The following EYS variants were observed in gnomAD, a reference collection of about 807,000 sequenced individuals.
EYS encodes EGF-like photoreceptor maintenance factor.
EYS carries 250 observed loss-of-function variants against 282.1 expected under a neutral mutation model. The ratio of observed to expected loss-of-function variants is 0.89; its 90% CI spans 0.80 to 0.98. The LOEUF (loss-of-function observed/expected upper bound fraction) is 0.98, where lower values mean the gene tolerates loss of function less well. EYS is among the 50% of genes least tolerant of loss of function. The probability of loss-of-function intolerance (pLI) is 0.00; values close to 1 mark genes in which losing one functional copy is unlikely to be tolerated. For synonymous variants in EYS, 1,355 were observed against 1,282.9 expected (o/e 1.06, Z -1.20); for missense variants, 4,016 against 3,709.0 (o/e 1.08, Z -2.15).
intron 22 of EYS, among the ~76,000 whole-genome samples, chr6:64,798,615 T>G (rs561401515): frequency 8.2e-4 from 122 of 148,954 alleles, no homozygotes; most frequent in African/African-American, 2.8e-3. Context: ...TGGTTTTTTT[T>G]TTTTTTTTTT....
At chr6:64,393,760 T>G (rs1451537850) in intron 28 of EYS, among the ~76,000 whole-genome samples, 1 of 151,576 alleles carries the variant, frequency 6.6e-6, no homozygotes, top group Non-Finnish European at 1.5e-5. Context: ...CTATTCAACA[T>G]AGTGTTGGAA....
intron 11 of EYS, among the ~76,000 whole-genome samples, chr6:65,334,665 T>C (rs902095065): frequency 2.0e-5 from 3 of 151,872 alleles, no homozygotes; most frequent in African/African-American, 7.2e-5. Flanking sequence ...GCTTTGGAGC[T>C]AATCGTACAC....
At chr6:65,187,460 T>G (rs558240250) in intron 12 of EYS, among the ~76,000 whole-genome samples, 1 of 151,880 alleles carries the variant, frequency 6.6e-6, no homozygotes, top group South Asian at 2.1e-4. Flanking sequence ...TTTATAGACA[T>G]AGAATGGGAA....
intron 19 of EYS, among the ~76,000 whole-genome samples, chr6:64,866,635 A>G (rs1583238612): frequency 2.3e-5 from 3 of 129,660 alleles, no homozygotes; most frequent in South Asian, 5.3e-4. Flanking sequence ...CATTCCTGCT[A>G]TTAGAGTTCT....
At chr6:64,347,843 C>T (rs1771467629) in intron 29 of EYS, among the ~76,000 whole-genome samples, 2 of 151,270 alleles carry the variant, frequency 1.3e-5, no homozygotes, top group Non-Finnish European at 3.0e-5. Context: ...TATAGCACTT[C>T]TCCTTCACTC....
intron 22 of EYS, among the ~76,000 whole-genome samples, chr6:64,721,151 A>T (rs2149943258): frequency 6.6e-6 from 1 of 152,306 alleles, no homozygotes; most frequent in Middle Eastern, 3.4e-3. Context: ...AACAAAGGCT[A>T]ACACAAATAT....
chr6:65,365,046 A>T (rs1385725582), intron 8 of EYS, among the ~76,000 whole-genome samples: 3 of 151,662 alleles, frequency 2.0e-5, no homozygotes, highest in African/African-American at 7.2e-5. Context: ...TGCTTAAAAA[A>T]GTCATCCTAA....
intron 13 of EYS, among the ~76,000 whole-genome samples, chr6:65,006,097 C>T (rs1047820193): frequency 1.3e-5 from 2 of 151,994 alleles, no homozygotes; most frequent in African/African-American, 2.4e-5. Context: ...CCCTGTTATC[C>T]CTCCTGATTT....
Position 65,296,074 on chromosome 6 carries a change from A to T in EYS, c.1812T>A (p.Asn604Lys). 2.6e-6 allele frequency: 4 copies of T among 1,550,622 alleles called. No individual in the cohort carries two copies. The highest frequency in any genetic ancestry group is 3.5e-6 in the Non-Finnish European group (4 of 1,146,310). ...TGTGGTTCCCTAAGCAATAGTCAAC[A>T]TTGACAACACACAATCTGCCAATGT... is the stretch of plus-strand genomic sequence containing the variant. ...LSYIGRLCVV[N>K]VDYCLGNHSI... is the part of the protein sequence containing the mutation. Residue 604 changes from asparagine (N) to lysine (K), a missense_variant, in exon 12 of 43, where the codon AAT becomes AAA. Coordinates refer to ENST00000503581, the MANE Select transcript of EYS (RefSeq NM_001142800.2).
chr6:65,215,379 T>G (rs1766286645), intron 12 of EYS, among the ~76,000 whole-genome samples: 1 of 152,080 alleles, frequency 6.6e-6, no homozygotes, highest in South Asian at 2.1e-4. Context: ...ACGGTAGAAA[T>G]AACAAGAGAA....
At chr6:64,462,296 G>A (rs561470562) in intron 26 of EYS, among the ~76,000 whole-genome samples, 23 of 152,210 alleles carry the variant, frequency 1.5e-4, no homozygotes, top group Non-Finnish European at 2.5e-4. Flanking sequence ...CAATCAAAAC[G>A]AGAGATATAA....
chr6:63,875,797 T>G (rs1246705655), intron 35 of EYS, among the ~76,000 whole-genome samples: 4 of 152,234 alleles, frequency 2.6e-5, no homozygotes, highest in Non-Finnish European at 5.9e-5. Context: ...AGTGTGTATT[T>G]CCATGGGATC....
chr6:65,636,076 G>A (rs1161750050), intron 2 of EYS, among the ~76,000 whole-genome samples: 1 of 152,158 alleles, frequency 6.6e-6, no homozygotes. Flanking sequence ...TATTTATGCA[G>A]CGGGCAGGAA....
chr6:65,123,150 T>G (rs1775614179), intron 12 of EYS, among the ~76,000 whole-genome samples: 1 of 152,128 alleles, frequency 6.6e-6, no homozygotes, highest in Non-Finnish European at 1.5e-5. Context: ...ACATCCTTTC[T>G]TCGACTGGGG....
rs1053931034 is a variant in EYS, at chr6:64,911,654, T to C, written c.2641+830A>G. 2.6e-5 allele frequency among the ~76,000 whole-genome samples: 4 copies of C among 152,144 alleles called. No homozygotes were observed. In the South Asian group the frequency reaches 8.3e-4, roughly 32 times the overall value. Reference sequence around the variant, plus strand: ...AGTATTAGAAAATAAATTGCAGTTTTGGGCCTCCAAACACAATGTGTTTTT... The same window carrying C: ...AGTATTAGAAAATAAATTGCAGTTTCGGGCCTCCAAACACAATGTGTTTTT... On this transcript the variant is annotated intron_variant, in intron 16 of 42. Transcript: ENST00000503581.
intron 2 of EYS, among the ~76,000 whole-genome samples, chr6:65,507,057 G>A (rs1202362400): frequency 6.6e-6 from 1 of 152,056 alleles, no homozygotes; most frequent in East Asian, 1.9e-4. Context: ...GTAGATCTGA[G>A]TTTCTGACCT....
chr6:65,547,110 T>C (rs1375939073), intron 2 of EYS, among the ~76,000 whole-genome samples: 1 of 151,770 alleles, frequency 6.6e-6, no homozygotes, highest in African/African-American at 2.4e-5. Flanking sequence ...CAAATTTTGC[T>C]GACTGTAACT....
chr6:65,329,527 C>T, intron 11 of EYS: 1 of 982,664 alleles, frequency 1.0e-6, no homozygotes, highest in Non-Finnish European at 1.2e-6. Context: ...GGCCCCAACC[C>T]AAAAATACAT....
intron 1 of EYS, among the ~76,000 whole-genome samples, chr6:65,694,637 TCCCAGA>T (rs1320598385): frequency 6.8e-6 from 1 of 146,516 alleles, no homozygotes; most frequent in Non-Finnish European, 1.5e-5. Context: ...TGACTTGGAA[TCCCAGA>T]CCCAACACTG....
Sources: gnomAD v4.1 joint callset for allele counts (sites outside exome capture counted in the v4.1 genomes callset) on GRCh38, gnomAD v4.1.1 for gene constraint, MANE v1.5 for transcripts, NCBI Gene and HGNC (gene_info 2026-07-23, HGNC 2026-07-21) for gene names.